NRG3: variants seen among roughly 807,000 people sequenced by gnomAD.
NRG3 encodes the protein pro-neuregulin-3, membrane-bound isoform.
A neutral mutation model predicts 66.9 loss-of-function variants in NRG3; 31 were observed. That is an observed-to-expected ratio of 0.46 (90% CI 0.35 to 0.63). The LOEUF is 0.63. NRG3 is among the 20% of genes least tolerant of loss of function. The pLI, the probability that NRG3 is intolerant of heterozygous loss-of-function variation, is 0.00. For missense variants in NRG3, 910 were observed against 878.9 expected (o/e 1.04, Z -0.45); for synonymous variants, 393 against 359.4 (o/e 1.09, Z -1.06).
intron 2 of NRG3, among the ~76,000 whole-genome samples, chr10:82,721,923 C>CTTTT (rs1194760573): frequency 6.7e-6 from 1 of 149,954 alleles, no homozygotes; most frequent in Non-Finnish European, 1.5e-5. Flanking sequence ...ATTGCCACCT[C>CTTTT]TTTTTGACCT....
At chr10:82,478,091 C>T (rs993374967) in intron 2 of NRG3, among the ~76,000 whole-genome samples, 10 of 152,132 alleles carry the variant, frequency 6.6e-5, no homozygotes, top group African/African-American at 9.7e-5. Flanking sequence ...AAAATGCTTA[C>T]GAATCCCTTT....
At chr10:82,706,912 T>G (rs567494257) in intron 2 of NRG3, among the ~76,000 whole-genome samples, 36 of 151,644 alleles carry the variant, frequency 2.4e-4, no homozygotes, top group African/African-American at 8.7e-4. Context: ...GAGAACTGCA[T>G]GAACCCAGGA....
At chr10:82,410,394 A>G (rs531268129) in intron 2 of NRG3, among the ~76,000 whole-genome samples, 1 of 151,344 alleles carries the variant, frequency 6.6e-6, no homozygotes, top group South Asian at 2.1e-4. Flanking sequence ...CTGATACATT[A>G]TGTAAATGAA....
At chr10:82,531,075 G>A (rs1488803525) in intron 2 of NRG3, among the ~76,000 whole-genome samples, 57 of 151,638 alleles carry the variant, frequency 3.8e-4, no homozygotes, top group African/African-American at 2.4e-5. Flanking sequence ...TGAGAATAGA[G>A]TGCACTTAGA....
chr10:82,490,911 A>G (rs1476839261), intron 2 of NRG3, among the ~76,000 whole-genome samples: 1 of 152,160 alleles, frequency 6.6e-6, no homozygotes, highest in East Asian at 1.9e-4. Context: ...AACTCAGTTC[A>G]TCTAGGGTCT....
intron 4 of NRG3, among the ~76,000 whole-genome samples, chr10:82,889,128 G>T (rs1195687808): frequency 1.3e-5 from 2 of 152,046 alleles, no homozygotes; most frequent in Non-Finnish European, 1.5e-5. Context: ...CTGATTTTTT[G>T]AGAAAAGCCA....
Position 82,354,197 on chromosome 10 carries a change from A to C in NRG3, c.824-4542A>C, listed in dbSNP as rs1014010208. Among the ~76,000 whole-genome samples, 8 of 143,836 alleles carry C rather than the reference A, an allele frequency of 5.6e-5. 1 individual carries two copies. The East Asian group carries it at 1.7e-3, about 31-fold the overall frequency. The allele number at this position is 143,836 out of a possible 152,430, so 94.4% of individuals were successfully genotyped here. A position where few individuals can be genotyped will look rare whatever the true frequency, so the allele number is the denominator to read the frequency against. On this transcript the variant is annotated intron_variant, in intron 1 of 8. Transcript: ENST00000372141. ...TCACAGGCGTGCGCCACCATGCCCA[A>C]ATAATTTATTATTATTATTATTTGT...
chr10:82,632,718 A>G (rs542490174), intron 2 of NRG3, among the ~76,000 whole-genome samples: 16 of 152,204 alleles, frequency 1.1e-4, no homozygotes, highest in Non-Finnish European at 2.1e-4. Context: ...CTTGTGAATC[A>G]TAGTAATATA....
rs191371312 is a variant in NRG3, at chr10:81,936,611, A to G, written c.823+60448A>G. On this transcript the variant is annotated intron_variant, in intron 1 of 8. Transcript: ENST00000372141. The stretch of plus-strand genomic sequence containing the variant: ...ATGTGAGAGAGACCCTGTGTCAGCT[A>G]CAGTTTGTATTAGTTGGTTGATTAG... Among the ~76,000 whole-genome samples the G allele has an allele frequency of 5.1e-3, 774 of 152,212 alleles. 5 individuals carry two copies. Among genetic ancestry groups the G allele is most frequent in the Middle Eastern group, 0.02 (6 of 294 alleles).
rs113349439 is a variant in NRG3, at chr10:81,956,237, A to G, written c.823+80074A>G. 1.6e-3 allele frequency among the ~76,000 whole-genome samples: 239 copies of G among 152,182 alleles called. 1 individual carries two copies. The highest frequency in any genetic ancestry group is 5.5e-3 in the African/African-American group (230 of 41,484). Reference sequence around the variant, plus strand: ...AAAACAACTTCCCTCTGGCCCTCTTAGGAGATGCTTGCCCTGGGGCAAGCC... The same window carrying G: ...AAAACAACTTCCCTCTGGCCCTCTTGGGAGATGCTTGCCCTGGGGCAAGCC... On this transcript the variant is annotated intron_variant, in intron 1 of 8. Transcript: ENST00000372141.
chr10:82,399,893 T>C (rs1210583278), intron 2 of NRG3, among the ~76,000 whole-genome samples: 1 of 152,166 alleles, frequency 6.6e-6, no homozygotes, highest in Non-Finnish European at 1.5e-5. Context: ...CATTTGGAAA[T>C]ATATAAATTT....
intron 1 of NRG3, chr10:82,232,169 A>G (rs2076509166): frequency 6.6e-6 from 1 of 152,288 alleles, no homozygotes; most frequent in Non-Finnish European, 1.5e-5. Context: ...CCAGCAGGGA[A>G]AACACACCTT....
At chr10:82,639,780 C>T (rs776617203) in intron 2 of NRG3, among the ~76,000 whole-genome samples, 1 of 152,004 alleles carries the variant, frequency 6.6e-6, no homozygotes, top group Non-Finnish European at 1.5e-5. Flanking sequence ...TTTAATTTGA[C>T]TTTTATTTAA....
At chr10:82,050,920 C>T (rs963881702) in intron 1 of NRG3, among the ~76,000 whole-genome samples, 1 of 148,866 alleles carries the variant, frequency 6.7e-6, no homozygotes, top group Admixed American at 6.8e-5. Flanking sequence ...TTCTATCCTG[C>T]TGTGTCAAAT....
At chr10:82,066,832 G>C (rs1301817781) in intron 1 of NRG3, among the ~76,000 whole-genome samples, 2 of 150,062 alleles carry the variant, frequency 1.3e-5, no homozygotes, top group African/African-American at 4.9e-5. Flanking sequence ...TTTTTTTTTT[G>C]AGTCATGATT....
intron 3 of NRG3, among the ~76,000 whole-genome samples, chr10:82,843,652 A>G (rs2135770159): frequency 6.6e-6 from 1 of 152,366 alleles, no homozygotes; most frequent in African/African-American, 2.4e-5. Flanking sequence ...TTAGGTGAGC[A>G]CAGCAAAGCA....
At chr10:82,889,437 G>A (rs1432944080) in intron 4 of NRG3, among the ~76,000 whole-genome samples, 1 of 152,116 alleles carries the variant, frequency 6.6e-6, no homozygotes, top group Non-Finnish European at 1.5e-5. Flanking sequence ...AATATAAGGA[G>A]CTAATTTTTA....
intron 4 of NRG3, among the ~76,000 whole-genome samples, chr10:82,889,235 G>A (rs770724300): frequency 3.3e-5 from 5 of 152,218 alleles, no homozygotes; most frequent in Middle Eastern, 6.8e-3. Context: ...TTTCAGCCCT[G>A]GTGAACTCCA....
At chr10:82,504,559 T>C (rs1844498867) in intron 2 of NRG3, among the ~76,000 whole-genome samples, 1 of 152,206 alleles carries the variant, frequency 6.6e-6, no homozygotes, top group Admixed American at 6.5e-5. Flanking sequence ...GCCCAGTGCT[T>C]CCCACCAGTG....
Sources: allele counts gnomAD v4.1 joint callset (sites outside exome capture counted in the v4.1 genomes callset), GRCh38; gene constraint gnomAD v4.1.1; transcripts MANE v1.5; gene names NCBI Gene and HGNC (gene_info 2026-07-23, HGNC 2026-07-21).